HPSE2: variants seen among roughly 807,000 people sequenced by gnomAD.
HPSE2 encodes the protein heparanase 2 (inactive), also known as inactive heparanase-2.
HPSE2 carries 38 observed loss-of-function variants against 60.5 expected under a neutral mutation model. The observed-to-expected ratio is 0.63, with a 90% CI of 0.48 to 0.82. HPSE2 has a LOEUF of 0.82. HPSE2 is among the 40% of genes least tolerant of loss of function. The pLI, the probability that HPSE2 is intolerant of heterozygous loss-of-function variation, is 0.00. For missense variants in HPSE2, 713 were observed against 740.4 expected (o/e 0.96, Z 0.43); for synonymous variants, 295 against 293.2 (o/e 1.01, Z -0.06).
chr10:98,802,517 G>A (rs2134532211), intron 3 of HPSE2, among the ~76,000 whole-genome samples: 1 of 122,660 alleles, frequency 8.2e-6, no homozygotes, highest in African/African-American at 3.2e-5. Flanking sequence ...TCCCCTTCCT[G>A]TGTCCATGTG....
chr10:98,699,482 G>T (rs1185752784), intron 5 of HPSE2, among the ~76,000 whole-genome samples: 1 of 90,078 alleles, frequency 1.1e-5, no homozygotes, highest in East Asian at 5.0e-4. Context: ...GGTATTGATG[G>T]GACATATCTC....
chr10:99,123,473 G>C (rs1486607943), intron 3 of HPSE2, among the ~76,000 whole-genome samples: 1 of 152,170 alleles, frequency 6.6e-6, no homozygotes, highest in Non-Finnish European at 1.5e-5. Context: ...ATTAAAAACA[G>C]CACTAAAGGC....
Position 98,492,394 on chromosome 10 carries a change from C to T in HPSE2, c.1321-2198G>A, listed in dbSNP as rs936293476. Among the ~76,000 whole-genome samples, 14 of 150,794 alleles carry T rather than the reference C, an allele frequency of 9.3e-5. No homozygotes were observed. In the East Asian group the frequency reaches 2.4e-3, roughly 25 times the overall value. ...ATGGGCGCCTGTAGTCCCAGCTACT[C>T]GGGAGGCTGAGGCAGGAGAATGGCG... is the stretch of plus-strand genomic sequence containing the variant. On this transcript the variant is annotated intron_variant, in intron 9 of 11. Coordinates refer to ENST00000370552, the MANE Select transcript of HPSE2 (RefSeq NM_021828.5).
rs1478241979 is a variant in HPSE2, at chr10:98,934,078, C to T, written c.611-190022G>A. Among the ~76,000 whole-genome samples, 2 of 143,372 alleles carry T rather than the reference C, an allele frequency of 1.4e-5. 1 individual carries two copies. The highest frequency in any genetic ancestry group is 5.7e-5 in the African/African-American group (2 of 35,138). The allele number at this position is 143,372 out of a possible 152,430, so 94.1% of individuals were successfully genotyped here. ...TTTGTTGGTTGAAAGTCTGTTTTGT[C>T]AGAAACTATGACTGCAACCCCTGCT... On this transcript the variant is annotated intron_variant, in intron 3 of 11. Coordinates refer to ENST00000370552, the MANE Select transcript of HPSE2 (RefSeq NM_021828.5).
chr10:98,570,376 T>C (rs970774373), intron 9 of HPSE2, among the ~76,000 whole-genome samples: 3 of 151,518 alleles, frequency 2.0e-5, no homozygotes, highest in African/African-American at 7.3e-5. Context: ...ATGAAAGCTG[T>C]CTTCTCTTCT....
chr10:98,684,881 T>C (rs1249606204), intron 6 of HPSE2, among the ~76,000 whole-genome samples: 1 of 152,138 alleles, frequency 6.6e-6, no homozygotes. Flanking sequence ...ACTTCCTACA[T>C]CCAAGGATTA....
intron 6 of HPSE2, among the ~76,000 whole-genome samples, chr10:98,693,056 C>T (rs764951896): frequency 2.5e-4 from 38 of 152,164 alleles, no homozygotes; most frequent in Non-Finnish European, 4.1e-4. Flanking sequence ...GGAGTACATA[C>T]GCTAGGCAGG....
At chr10:99,292,476 C>G in the HPSE2 span, among the ~76,000 whole-genome samples, 4 of 152,122 alleles carry the variant, frequency 2.6e-5, no homozygotes, top group African/African-American at 9.7e-5. Flanking sequence ...ATGCTCGGCA[C>G]TGTGGTAGGT....
the HPSE2 span, among the ~76,000 whole-genome samples, chr10:99,251,575 C>G: frequency 1.8e-3 from 279 of 152,196 alleles, 2 homozygotes; most frequent in African/African-American, 6.5e-3. Flanking sequence ...AACATAGATG[C>G]AAAAATCCTC....
chr10:98,722,401 T>A (rs1314663555), intron 4 of HPSE2, among the ~76,000 whole-genome samples: 1 of 151,794 alleles, frequency 6.6e-6, no homozygotes, highest in East Asian at 1.9e-4. Flanking sequence ...AGATTCTCTC[T>A]CAAAACTCCC....
At chr10:99,032,560 G>A (rs1164167030) in intron 3 of HPSE2, among the ~76,000 whole-genome samples, 1 of 152,082 alleles carries the variant, frequency 6.6e-6, no homozygotes, top group Non-Finnish European at 1.5e-5. Context: ...TGAACATATT[G>A]ATGTAGAAAA....
chr10:98,527,750 C>T (rs1260525994), intron 9 of HPSE2, among the ~76,000 whole-genome samples: 1 of 152,060 alleles, frequency 6.6e-6, no homozygotes, highest in Non-Finnish European at 1.5e-5. Flanking sequence ...AGCTATATTC[C>T]CGGAGCCTAG....
chr10:99,034,265 A>G (rs1031941469), intron 3 of HPSE2, among the ~76,000 whole-genome samples: 1 of 152,214 alleles, frequency 6.6e-6, no homozygotes, highest in African/African-American at 2.4e-5. Flanking sequence ...AAACCTATGT[A>G]TTGTATGATT....
the HPSE2 span, among the ~76,000 whole-genome samples, chr10:99,261,305 G>C: frequency 6.6e-6 from 1 of 152,008 alleles, no homozygotes; most frequent in Non-Finnish European, 1.5e-5. Context: ...CTCAGCCTCT[G>C]CTCCGCCACC....
chr10:99,268,082 T>C, the HPSE2 span, among the ~76,000 whole-genome samples: 2 of 152,160 alleles, frequency 1.3e-5, no homozygotes, highest in Non-Finnish European at 1.5e-5. Flanking sequence ...AAGGAAAATC[T>C]ATCAGAGTAA....
rs1940377780 is a variant in HPSE2 at position 98,463,222 on chromosome 10, C to T, written c.1614-3483G>A. Among the ~76,000 whole-genome samples, 3 of 152,128 alleles carry T rather than the reference C, an allele frequency of 2.0e-5. No homozygotes were observed. The South Asian group carries it at 6.2e-4, about 32-fold the overall frequency. ...TTGTCACTGCACCGCTTCAAACTTG[C>T]CAACACTCCCCTTCCCTTACACTTT... On this transcript the variant is annotated intron_variant, in intron 11 of 11. Transcript: ENST00000370552.
chr10:99,132,031 G>C (rs890183650), intron 3 of HPSE2, among the ~76,000 whole-genome samples: 1 of 151,558 alleles, frequency 6.6e-6, no homozygotes, highest in African/African-American at 2.4e-5. Flanking sequence ...AGAATCACTT[G>C]AACCTGGGAG....
chr10:98,815,187 C>T (rs552774746), intron 3 of HPSE2, among the ~76,000 whole-genome samples: 2 of 152,254 alleles, frequency 1.3e-5, no homozygotes, highest in South Asian at 4.1e-4. Flanking sequence ...GAGGCTGAGG[C>T]AGGAGGATCA....
intron 3 of HPSE2, among the ~76,000 whole-genome samples, chr10:99,062,590 T>C (rs1370767182): frequency 6.6e-6 from 1 of 152,074 alleles, no homozygotes; most frequent in Non-Finnish European, 1.5e-5. Flanking sequence ...ATCAGCACCA[T>C]TACCTTCAAT....
Sources: gnomAD v4.1 joint callset for allele counts (sites outside exome capture counted in the v4.1 genomes callset) on GRCh38, gnomAD v4.1.1 for gene constraint, MANE v1.5 for transcripts, NCBI Gene and HGNC (gene_info 2026-07-23, HGNC 2026-07-21) for gene names.